The following WNK3 variants were observed in gnomAD, a reference collection of about 807,000 sequenced individuals.
WNK3 encodes the protein WNK lysine deficient protein kinase 3, also known as serine/threonine-protein kinase WNK3.
A neutral mutation model predicts 116.7 loss-of-function variants in WNK3; 18 were observed. The ratio of observed to expected loss-of-function variants is 0.15; its 90% CI spans 0.11 to 0.23. The LOEUF (loss-of-function observed/expected upper bound fraction) is 0.23. Ranked by LOEUF, WNK3 falls within the 10% of genes least tolerant of loss-of-function variation. The pLI is 1.00. For synonymous variants in WNK3, 404 were observed against 469.4 expected (o/e 0.86, Z 1.80); for missense variants, 993 against 1,323.8 (o/e 0.75, Z 3.88).
intron 1 of WNK3, among the ~76,000 whole-genome samples, chrX:54,342,420 G>A (rs563155733): frequency 1.8e-5 from 2 of 109,712 alleles, no homozygotes; most frequent in South Asian, 8.0e-4. Context: ...ACAAAAATTA[G>A]CTGGGCGTGG....
chrX:54,314,063 C>T (rs782659390), intron 2 of WNK3, among the ~76,000 whole-genome samples: 6 of 108,311 alleles, frequency 5.5e-5, no homozygotes, highest in South Asian at 4.2e-4. Flanking sequence ...TGTGGTGGCA[C>T]GTGCGTGTAA....
chrX:54,207,416 G>A (rs1430223670), intron 22 of WNK3, among the ~76,000 whole-genome samples: 1 of 109,243 alleles, frequency 9.2e-6, no homozygotes, highest in Non-Finnish European at 1.9e-5. Flanking sequence ...TGCAAATCTT[G>A]CATTTTTACC....
Position 54,333,417 on chromosome X carries a change from T to C in WNK3, c.257A>G (p.Asn86Ser), listed in dbSNP as rs202201697. The stretch of plus-strand genomic sequence containing the variant: ...AGGAAGCTTATCTACTCTTGGAATA[T>C]TCATTGCAGCCTTAATTCTCTCATC... Residue 86 changes from asparagine (N) to serine (S), a missense_variant, in exon 2 of 24, where the codon AAT becomes AGT. Asn to Ser is a conservative substitution (Grantham distance 46). Around this residue, in one of 4 missense-constraint regions of WNK3, gnomAD observed 92 missense variants for 98.7 expected, o/e 0.93. Coordinates refer to ENST00000354646, the Ensembl canonical transcript of WNK3. 1.8e-5 allele frequency: 22 copies of C among 1,210,388 alleles called. No homozygotes were observed. The Middle Eastern group carries it at 9.2e-4, about 51-fold the overall frequency.
At chrX:54,294,725 C>T (rs149832313) in exon 8 of WNK3, 6 of 1,210,777 alleles carry the variant, frequency 5.0e-6, no homozygotes, top group Middle Eastern at 2.3e-4. Flanking sequence ...ACTGAGAATC[C>T]CTGCGTTCTT....
At chrX:54,226,495 G>GA (rs1325274093) in intron 22 of WNK3, among the ~76,000 whole-genome samples, 2,613 of 78,190 alleles carry the variant, frequency 0.033, 51 homozygotes, top group Non-Finnish European at 0.056. Flanking sequence ...AAAAGAAGAA[G>GA]AAAAAAAAAA....
intron 1 of WNK3, among the ~76,000 whole-genome samples, chrX:54,335,489 T>TC (rs782603976): frequency 9.0e-6 from 1 of 111,641 alleles, no homozygotes; most frequent in African/African-American, 3.2e-5. Flanking sequence ...AGAAAATGCT[T>TC]CCCTTCTCAC....
chrX:54,347,733 T>G (rs2069455980), intron 1 of WNK3, among the ~76,000 whole-genome samples: 1 of 107,038 alleles, frequency 9.3e-6, no homozygotes, highest in South Asian at 4.0e-4. Flanking sequence ...TAAAACACAA[T>G]GTATGTACTA....
At chrX:54,261,023 C>A (rs1260846509) in intron 10 of WNK3, among the ~76,000 whole-genome samples, 1 of 110,153 alleles carries the variant, frequency 9.1e-6, no homozygotes, top group Non-Finnish European at 1.9e-5. Flanking sequence ...AGCCACCACG[C>A]CTGGCCCATT....
intron 5 of WNK3, among the ~76,000 whole-genome samples, chrX:54,304,540 CAA>C (rs782215941): frequency 2.8e-3 from 221 of 77,605 alleles, no homozygotes; most frequent in African/African-American, 9.4e-3. Context: ...ACACTGTCTC[CAA>C]AAAAAAAAAA....
At chrX:54,329,475 T>C (rs1173340764) in intron 2 of WNK3, among the ~76,000 whole-genome samples, 1 of 110,335 alleles carries the variant, frequency 9.1e-6, no homozygotes, top group Non-Finnish European at 1.9e-5. Context: ...CTGCCTCTAC[T>C]AAAAATACAA....
intron 20 of WNK3, among the ~76,000 whole-genome samples, chrX:54,235,645 G>T (rs1387065173): frequency 9.0e-6 from 1 of 111,581 alleles, no homozygotes. Context: ...TTTACAAATT[G>T]TTCAAGTCCC....
At chrX:54,310,480 C>T (rs1557169474) in intron 3 of WNK3, among the ~76,000 whole-genome samples, 2 of 109,875 alleles carry the variant, frequency 1.8e-5, no homozygotes, top group Admixed American at 1.0e-4. Flanking sequence ...CCAAGGAGGT[C>T]GAAGCTGCAG....
chrX:54,297,928 C>T (rs1184577890), intron 7 of WNK3, among the ~76,000 whole-genome samples: 3 of 110,054 alleles, frequency 2.7e-5, no homozygotes, highest in Non-Finnish European at 3.8e-5. Context: ...AAAAAATTAG[C>T]CGGGCGTGGT....
intron 2 of WNK3, among the ~76,000 whole-genome samples, chrX:54,323,168 C>G (rs2069058234): frequency 9.0e-6 from 1 of 111,258 alleles, no homozygotes; most frequent in Admixed American, 9.7e-5. Context: ...GCAGATACCA[C>G]CTTAACCAAG....
At chrX:54,278,163 A>T (rs1384926503) in intron 10 of WNK3, among the ~76,000 whole-genome samples, 1 of 110,759 alleles carries the variant, frequency 9.0e-6, no homozygotes, top group East Asian at 2.8e-4. Flanking sequence ...TTAGGCACAA[A>T]CTTAACAAAA....
At chrX:54,313,167 GTTATTTATTTCA>G (rs1472064029) in intron 2 of WNK3, among the ~76,000 whole-genome samples, 1 of 110,606 alleles carries the variant, frequency 9.0e-6, no homozygotes, top group Non-Finnish European at 1.9e-5. Context: ...GAATCTTTTG[GTTATTTATTTCA>G]TTATTTATTT....
rs781907183 is a variant in WNK3 at position 54,209,349 on chromosome X, G to A, written c.4871-7156C>T. Among the ~76,000 whole-genome samples the A allele has an allele frequency of 3.2e-4, 34 of 106,047 alleles. 1 individual carries two copies. Among genetic ancestry groups the A allele is most frequent in the Admixed American group, 1.0e-4 (1 of 9,622 alleles). The allele number at this position is 106,047 out of a possible 115,157, so 92.1% of individuals were successfully genotyped here. ...GAGGCAGGAGAATCACTTGAACCTG[G>A]GAGGCAGAAGTTGCAGTGGGCCGAG... On this transcript the variant is annotated intron_variant, in intron 22 of 23. Transcript: ENST00000354646.
chrX:54,210,657 G>T (rs1430298673), intron 22 of WNK3, among the ~76,000 whole-genome samples: 1 of 110,985 alleles, frequency 9.0e-6, no homozygotes, highest in East Asian at 2.8e-4. Flanking sequence ...AACAAAGTCT[G>T]GTTTGGAACC....
chrX:54,216,229 G>A (rs1442221125), intron 22 of WNK3, among the ~76,000 whole-genome samples: 10 of 107,765 alleles, frequency 9.3e-5, no homozygotes, highest in African/African-American at 3.4e-4. Context: ...CTCCACTATT[G>A]TCCTATGACC....
Sources: gnomAD v4.1 joint callset for allele counts (sites outside exome capture counted in the v4.1 genomes callset) on GRCh38, gnomAD v4.1.1 for gene constraint, gnomAD v4.1.1 regional missense constraint, MANE v1.5 for transcripts, NCBI Gene and HGNC (gene_info 2026-07-23, HGNC 2026-07-21) for gene names.